Variants in ZNFX1 observed in about 807,000 individuals in gnomAD.
ZNFX1 encodes the protein NFX1-type zinc finger-containing protein 1.
In ZNFX1, 78 loss-of-function variants were observed where a neutral mutation model predicts 179.8. The ratio of observed to expected loss-of-function variants is 0.43; its 90% CI spans 0.36 to 0.52. The LOEUF (loss-of-function observed/expected upper bound fraction) is 0.52. ZNFX1 is among the 20% of genes least tolerant of loss of function. The pLI is 0.00. For synonymous variants in ZNFX1, 848 were observed against 868.5 expected (o/e 0.98, Z 0.42); for missense variants, 1,927 against 2,386.6 (o/e 0.81, Z 4.01).
rs144762886 is a variant in ZNFX1 at position 49,248,408 on chromosome 20, G to C, written c.4616C>G (p.Pro1539Arg). ...EPCNRPPCYV[P>R]CTKLLVCGHP... is the part of the protein sequence containing the mutation. Reference sequence around the variant, plus strand: ...GCCACAAACTAGCAGCTTAGTACAAGGCACATAGCATGGGGGTCGGTTGCA... The same window carrying C: ...GCCACAAACTAGCAGCTTAGTACAACGCACATAGCATGGGGGTCGGTTGCA... The change falls in exon 14 of 14, where the codon CCT becomes CGT. Residue 1539 changes from proline (P) to arginine (R), a missense_variant. Coordinates refer to ENST00000396105, the MANE Select transcript of ZNFX1 (RefSeq NM_021035.3). The surrounding 1 kb of genome is among the most constrained non-coding windows in gnomAD (Gnocchi z 4.6). 2 of 1,609,686 alleles carry C rather than the reference G, an allele frequency of 1.2e-6. No homozygotes were observed. Among genetic ancestry groups the C allele is most frequent in the African/African-American group, 2.7e-5 (2 of 74,844 alleles).
chr20:49,248,855 C>T lies in ZNFX1; in HGVS notation c.4169G>A (p.Cys1390Tyr). 1 of 1,613,480 alleles carries T rather than the reference C, an allele frequency of 6.2e-7. No homozygotes were observed. The highest frequency in any genetic ancestry group is 8.5e-7 in the Non-Finnish European group (1 of 1,179,372). The change falls in exon 14 of 14, where the codon TGT becomes TAT. Residue 1390 changes from cysteine (C) to tyrosine (Y), a missense_variant. Coordinates refer to ENST00000396105, the MANE Select transcript of ZNFX1 (RefSeq NM_021035.3). This position sits in a 1 kb window ranked among gnomAD's most constrained non-coding sequence, Gnocchi z 4.6. Reference sequence around the variant, plus strand: ...ACACAGCTGCACACAGTCCTCACCACATGGGTGGCTGCATCTGTGCCCACA... The same window carrying T: ...ACACAGCTGCACACAGTCCTCACCATATGGGTGGCTGCATCTGTGCCCACA... The part of the protein sequence containing the change: ...LRCGHRCSHP[C>Y]GEDCVQLCSE...
At position 49,255,898 on chromosome 20, in the gene ZNFX1, A is replaced by T; in HGVS notation, c.2714T>A (p.Leu905His). The part of the protein sequence containing the change: ...KKMKKRVKDE[L>H]RKLNTMTAAE... ...TGCAGTCATGGTGTTCAGTTTGCGA[A>T]GCTCATCCTTCACTCTTTTTTTCAT... Residue 905 changes from leucine to histidine, a missense_variant, in exon 9 of 14, where the codon CTT becomes CAT. Transcript: ENST00000396105. 1 of 1,614,114 alleles carries T rather than the reference A, an allele frequency of 6.2e-7. No individual in the cohort carries two copies. Among genetic ancestry groups the T allele is most frequent in the Admixed American group, 1.7e-5 (1 of 60,016 alleles).
intron 8 of ZNFX1, among the ~76,000 whole-genome samples, chr20:49,256,775 T>G (rs116559811): frequency 6.6e-6 from 1 of 152,234 alleles, no homozygotes; most frequent in Non-Finnish European, 1.5e-5. Flanking sequence ...AGCACTCAGA[T>G]GAAAACTGCA....
At position 49,251,756 on chromosome 20, in the gene ZNFX1, G is replaced by A. The variant is rs1052566719; in HGVS notation, c.3217-134C>T. 19 of 624,398 alleles carry A rather than the reference G, an allele frequency of 3.0e-5. No individual in the cohort carries two copies. The Admixed American group carries it at 4.6e-4, about 15-fold the overall frequency. The allele number at this position is 624,398 out of a possible 1,614,324, so 38.7% of individuals were successfully genotyped here. On this transcript the variant is annotated intron_variant, in intron 12 of 13. Coordinates refer to ENST00000396105, the MANE Select transcript of ZNFX1 (RefSeq NM_021035.3). ...CTTGTATCTGTAATCCCATCACTTT[G>A]GGAAGCCAAGGCAGGAGGATCACTT... is the stretch of plus-strand genomic sequence containing the variant.
intron 12 of ZNFX1, among the ~76,000 whole-genome samples, chr20:49,252,232 C>T (rs1213783001): frequency 6.6e-6 from 1 of 151,560 alleles, no homozygotes; most frequent in African/African-American, 2.4e-5. Context: ...ACCACCGCCT[C>T]CCAGGTTCAA....
chr20:49,257,435 T>C lies in ZNFX1; in HGVS notation c.2646A>G (p.Gln882=), dbSNP rs745805127. Reference sequence around the variant, plus strand: ...AGTTTACCTGCCACTCTCCTGTGGCTTGCTCCTGTCCAGCTGCTGTCCCAG... The same window carrying C: ...AGTTTACCTGCCACTCTCCTGTGGCCTGCTCCTGTCCAGCTGCTGTCCCAG... ...CGTGTAAGQE[Q]ATGEWQTQRN... The change falls in exon 8 of 14, where the codon CAA becomes CAG. Residue 882 remains glutamine (Q), a synonymous_variant. Transcript: ENST00000396105. 6.2e-7 allele frequency: 1 copy of C among 1,614,146 alleles called. No individual in the cohort carries two copies. Among genetic ancestry groups the C allele is most frequent in the South Asian group, 1.1e-5 (1 of 91,078 alleles).
At position 49,249,425 on chromosome 20, in the gene ZNFX1, ACTAG is replaced by A; in HGVS notation, c.3595_3598del (p.Leu1199CysfsTer57). 1 of 1,614,242 alleles carries A rather than the reference ACTAG, an allele frequency of 6.2e-7. No homozygotes were observed. The highest frequency in any genetic ancestry group is 1.3e-5 in the African/African-American group (1 of 75,078). On this transcript the variant is annotated frameshift_variant, in exon 14 of 14. Transcript: ENST00000396105. LOFTEE classifies it high-confidence loss of function. ...CACCTTGCCTTCTTGGTTGCTCCGC[ACTAG>A]CGAGAGGAGGATGATGTCATTCTCT...
At chr20:49,264,619 C>A in intron 5 of ZNFX1, 97 bp downstream of exon 5, 2 of 1,470,292 alleles carry the variant, frequency 1.4e-6, no homozygotes, top group African/African-American at 1.4e-5. Context: ...CTTTGAGGAG[C>A]CTCCAAATCT....
Position 49,270,192 on chromosome 20 carries a change from G to A in ZNFX1, c.1620C>T (p.Asn540=). The change falls in exon 3 of 14, where the codon AAC becomes AAT. Residue 540 remains asparagine, a synonymous_variant. Transcript: ENST00000396105. This position sits in a 1 kb window ranked among gnomAD's most constrained non-coding sequence, Gnocchi z 4.6. ...VPFQRNIVEC[N]SHVKEPRYLL... ...AGTACCTTGGCTCCTTCACATGAGA[G>A]TTACACTCCACGATATTCCTCTGGA... 1 of 1,614,066 alleles carries A rather than the reference G, an allele frequency of 6.2e-7. No homozygotes were observed. Among genetic ancestry groups the A allele is most frequent in the South Asian group, 1.1e-5 (1 of 91,088 alleles).
At chr20:49,250,203 C>T (rs1311698685) in intron 13 of ZNFX1, among the ~76,000 whole-genome samples, 2 of 152,078 alleles carry the variant, frequency 1.3e-5, no homozygotes, top group Non-Finnish European at 2.9e-5. Context: ...TGCAGTGAGC[C>T]GAGATCATGC....
At position 49,258,178 on chromosome 20, in the gene ZNFX1, C is replaced by T. The variant is rs183689639; in HGVS notation, c.2417-514G>A. On this transcript the variant is annotated intron_variant, in intron 7 of 13. Coordinates refer to ENST00000396105, the MANE Select transcript of ZNFX1 (RefSeq NM_021035.3). ...TGGCACAATCTTGGCTCACCACAAC[C>T]TCCACCTCCCGGGTTCAAGCGATTC... Among the ~76,000 whole-genome samples, 9 of 150,558 alleles carry T rather than the reference C, an allele frequency of 6.0e-5. No homozygotes were observed. In the East Asian group the frequency reaches 1.4e-3, roughly 23 times the overall value.
intron 2 of ZNFX1, among the ~76,000 whole-genome samples, chr20:49,274,165 A>G (rs1478970068): frequency 1.3e-5 from 2 of 152,256 alleles, no homozygotes; most frequent in East Asian, 3.8e-4. Flanking sequence ...TATCCAATAC[A>G]AAGCCATTAG....
At position 49,269,630 on chromosome 20, in the gene ZNFX1, G is replaced by C. The variant is rs553655661; in HGVS notation, c.1870+312C>G. On this transcript the variant is annotated intron_variant, in intron 3 of 13. Coordinates refer to ENST00000396105, the MANE Select transcript of ZNFX1 (RefSeq NM_021035.3). Reference sequence around the variant, plus strand: ...CAGGAGGCAGAGGTCGCAGTGAGCCGGAATCGTGCCACTGCACTCCAGCCT... The same window carrying C: ...CAGGAGGCAGAGGTCGCAGTGAGCCCGAATCGTGCCACTGCACTCCAGCCT... Among the ~76,000 whole-genome samples the C allele has an allele frequency of 2.6e-5, 4 of 152,256 alleles. No individual in the cohort carries two copies. The South Asian group carries it at 8.3e-4, about 32-fold the overall frequency.
intron 9 of ZNFX1, among the ~76,000 whole-genome samples, chr20:49,255,435 C>T (rs1438582885): frequency 6.6e-6 from 1 of 152,024 alleles, no homozygotes; most frequent in Non-Finnish European, 1.5e-5. Flanking sequence ...GATCCTCTAG[C>T]CTCAGCCTCC....
chr20:49,269,391 C>A (rs1463473452), intron 3 of ZNFX1, among the ~76,000 whole-genome samples: 5 of 152,046 alleles, frequency 3.3e-5, no homozygotes, highest in African/African-American at 7.2e-5. Flanking sequence ...CTAAAAACTA[C>A]CTATCAAGGG....
chr20:49,257,680 A>G lies in ZNFX1; in HGVS notation c.2417-16T>C. 1 of 1,598,100 alleles carries G rather than the reference A, an allele frequency of 6.3e-7. No homozygotes were observed. The highest frequency in any genetic ancestry group is 8.5e-7 in the Non-Finnish European group (1 of 1,174,956). On this transcript the variant is annotated splice_polypyrimidine_tract_variant and intron_variant, in intron 7 of 13. Transcript: ENST00000396105. ...TCTGCCTGGGCTAAGAGAGAGAAACAGGCAGGAGAGAGATGAAAACTCTTT... is the reference window on the plus strand; with the variant it reads ...TCTGCCTGGGCTAAGAGAGAGAAACGGGCAGGAGAGAGATGAAAACTCTTT...
chr20:49,266,183 T>TG lies in ZNFX1; in HGVS notation c.1953dup (p.Ile652HisfsTer8). Reference sequence around the variant, plus strand: ...TGATTAGTATAACACACAACCAAGATGGGGAACTTCTGGAGGCTAATTTGC... The same window carrying TG: ...TGATTAGTATAACACACAACCAAGATGGGGGAACTTCTGGAGGCTAATTTGC... On this transcript the variant is annotated frameshift_variant, in exon 4 of 14. Coordinates refer to ENST00000396105, the MANE Select transcript of ZNFX1 (RefSeq NM_021035.3). LOFTEE classifies it high-confidence loss of function. 1.2e-6 allele frequency: 2 copies of TG among 1,613,116 alleles called. No individual in the cohort carries two copies. Among genetic ancestry groups the TG allele is most frequent in the Non-Finnish European group, 8.5e-7 (1 of 1,179,666 alleles).
chr20:49,275,096 C>G (rs1444335012), intron 2 of ZNFX1, among the ~76,000 whole-genome samples: 1 of 151,168 alleles, frequency 6.6e-6, no homozygotes, highest in Non-Finnish European at 1.5e-5. Flanking sequence ...GCACTCCAGC[C>G]TGGGCGAAAG....
intron 5 of ZNFX1, among the ~76,000 whole-genome samples, chr20:49,264,341 G>T (rs1981187013): frequency 1.3e-5 from 2 of 152,288 alleles, no homozygotes; most frequent in South Asian, 4.1e-4. Flanking sequence ...AGACTTCAAG[G>T]CTCACAATAT....
Sources: gnomAD v4.1 joint callset for allele counts (sites outside exome capture counted in the v4.1 genomes callset) on GRCh38, gnomAD v4.1.1 for gene constraint, Gnocchi (gnomAD v3.1) non-coding constraint, MANE v1.5 for transcripts, NCBI Gene and HGNC (gene_info 2026-07-23, HGNC 2026-07-21) for gene names.